Variants in RAD50 observed in about 807,000 individuals in gnomAD.
The protein encoded by RAD50 is RAD50 double strand break repair protein.
A neutral mutation model predicts 168.8 loss-of-function variants in RAD50; 132 were observed. The ratio of observed to expected loss-of-function variants is 0.78; its 90% confidence interval spans 0.68 to 0.90. RAD50 has a LOEUF of 0.90. Ranked by LOEUF, RAD50 falls within the 40% of genes least tolerant of loss-of-function variation. The pLI is 0.00. For missense variants in RAD50, 1,347 were observed against 1,534.4 expected, an observed-to-expected ratio of 0.88 and a Z score of 2.04; for synonymous variants, 525 against 497.4, an observed-to-expected ratio of 1.06 and a Z score of -0.74.
intron 13 of RAD50, 111 bp downstream of exon 13, chr5:132,595,921 C>A: frequency 1.1e-6 from 1 of 921,482 alleles, no homozygotes; most frequent in Non-Finnish European, 1.8e-6. Context: ...GCTGGTATGC[C>A]CTGTCTTATA....
Position 132,574,987 on chromosome 5 carries a change from A to G in RAD50, c.214-790A>G, listed in dbSNP as rs541000162. 2.6e-5 allele frequency among the ~76,000 whole-genome samples: 4 copies of G among 152,068 alleles called. No homozygotes were observed. In the South Asian group the frequency reaches 6.2e-4, roughly 24 times the overall value. On this transcript the variant is annotated intron_variant, in intron 2 of 24. Transcript: ENST00000378823. Reference sequence around the variant, plus strand: ...TCTAGGGAGTTCCAAACTTTCCCATATTTTCCTCTCTTCTGAGCCTTCTAA... The same window carrying G: ...TCTAGGGAGTTCCAAACTTTCCCATGTTTTCCTCTCTTCTGAGCCTTCTAA...
In RAD50 at chr5:132,608,660, T is replaced by G. The variant is rs876660348; in HGVS notation, c.2764T>G (p.Phe922Val). The change falls in exon 17 of 25, where the codon TTC becomes GTC. Residue 922 changes from phenylalanine to valine, a missense_variant. This residue lies in a region of RAD50 where 635 missense variants were observed against 739.2 expected (regional missense o/e 0.86). Coordinates refer to ENST00000378823, the MANE Select transcript of RAD50 (RefSeq NM_005732.4). ...VSPLETTLEK[F>V]QQEKEELINK... ...CCCTTTGGAAACAACATTGGAAAAG[T>G]TCCAGCAAGAAAAAGAAGAATTAAT... 6.2e-7 allele frequency: 1 copy of G among 1,600,610 alleles called. No homozygotes were observed. Among genetic ancestry groups the G allele is most frequent in the African/African-American group, 1.3e-5 (1 of 74,156 alleles).
chr5:132,614,853 G>A (rs1419484611), intron 19 of RAD50, among the ~76,000 whole-genome samples: 1 of 151,960 alleles, frequency 6.6e-6, no homozygotes, highest in Non-Finnish European at 1.5e-5. Flanking sequence ...TCTAAAAATA[G>A]TCACGCATAG....
chr5:132,576,785 C>T (rs144677773), intron 3 of RAD50, among the ~76,000 whole-genome samples: 9 of 152,200 alleles, frequency 5.9e-5, no homozygotes, highest in Non-Finnish European at 1.2e-4. Flanking sequence ...CTTTGAAACA[C>T]CTCTGACTAA....
intron 20 of RAD50, 52 bp downstream of exon 20, chr5:132,616,182 TG>T: frequency 6.4e-7 from 1 of 1,560,880 alleles, no homozygotes; most frequent in Non-Finnish European, 8.8e-7. Context: ...ATTACTGGAA[TG>T]TGAAGAATAT....
intron 24 of RAD50, among the ~76,000 whole-genome samples, chr5:132,641,195 C>T (rs1005061488): frequency 1.3e-5 from 2 of 152,114 alleles, no homozygotes; most frequent in Non-Finnish European, 2.9e-5. Context: ...AGGACTGTCT[C>T]CCCAGCTTTC....
intron 12 of RAD50, 198 bp downstream of exon 12, chr5:132,595,242 A>T: frequency 1.6e-6 from 1 of 627,408 alleles, no homozygotes; most frequent in South Asian, 2.0e-5. Context: ...TGTCTATAAA[A>T]TGAGGACACA....
chr5:132,598,974 A>G lies in RAD50; in HGVS notation c.2207+3164A>G, dbSNP rs193039698. Among the ~76,000 whole-genome samples, 15 of 152,276 alleles carry G rather than the reference A, an allele frequency of 9.9e-5. No homozygotes were observed. In the East Asian group the frequency reaches 1.9e-3, roughly 20 times the overall value. The stretch of plus-strand genomic sequence containing the variant: ...GGCTGACTTGAATCTGCCTAACCCT[A>G]TATCTGCAGTAGCATCTGTGTGCCA... On this transcript the variant is annotated intron_variant, in intron 13 of 24. Coordinates refer to ENST00000378823, the MANE Select transcript of RAD50 (RefSeq NM_005732.4).
Position 132,588,100 on chromosome 5 carries a change from ATGTT to A in RAD50, c.1051+13_1051+16del. 6.2e-7 allele frequency: 1 copy of A among 1,605,818 alleles called. No homozygotes were observed. The highest frequency in any genetic ancestry group is 8.5e-7 in the Non-Finnish European group (1 of 1,172,812). The stretch of plus-strand genomic sequence containing the variant: ...TGCTTGTTGAACAGGGTAGGACAAA[ATGTT>A]TATTTGGTCGTTTTTCCTACTATGA... On this transcript the variant is annotated intron_variant, in intron 7 of 24. Transcript: ENST00000378823.
chr5:132,631,201 A>G (rs946069190), intron 21 of RAD50, among the ~76,000 whole-genome samples: 5 of 149,492 alleles, frequency 3.3e-5, no homozygotes. Context: ...GCTCACTGTA[A>G]CCTCCACCTC....
At chr5:132,602,324 A>G (rs1750903370) in intron 13 of RAD50, among the ~76,000 whole-genome samples, 1 of 152,108 alleles carries the variant, frequency 6.6e-6, no homozygotes, top group Non-Finnish European at 1.5e-5. Context: ...TGTCATACTA[A>G]TTCAATATAA....
At chr5:132,627,521 C>CA (rs1213335793) in intron 21 of RAD50, among the ~76,000 whole-genome samples, 1 of 151,966 alleles carries the variant, frequency 6.6e-6, no homozygotes, top group Non-Finnish European at 1.5e-5. Context: ...GCAAGATATG[C>CA]AAAAAATGGG....
chr5:132,616,317 A>T (rs775233977), intron 20 of RAD50, among the ~76,000 whole-genome samples, 187 bp downstream of exon 20: 1 of 152,212 alleles, frequency 6.6e-6, no homozygotes. Flanking sequence ...TGAAGAAGTG[A>T]TATAGAATTG....
At position 132,579,332 on chromosome 5, in the gene RAD50, C is replaced by A. The variant is rs2149837697; in HGVS notation, c.381C>A (p.Val127=). 1 of 1,613,792 alleles carries A rather than the reference C, an allele frequency of 6.2e-7. No individual in the cohort carries two copies. Among genetic ancestry groups the A allele is most frequent in the South Asian group, 1.1e-5 (1 of 91,028 alleles). Residue 127 remains valine (V), a synonymous_variant, in exon 4 of 25, where the codon GTC becomes GTA. Coordinates refer to ENST00000378823, the MANE Select transcript of RAD50 (RefSeq NM_005732.4). ...TTTTCTGTAGGCATGGTGAAAAGGT[C>A]AGTCTGAGCTCTAAGTGTGCAGAAA... ...VITRTKHGEK[V]SLSSKCAEID...
rs780830769 is a variant in RAD50, at chr5:132,587,991, A to G, written c.953A>G (p.Lys318Arg). ...AATCACCAGAGAACAGTAAGGGAGA[A>G]AGAAAGGAAATTGGTAGACTGTCAT... ...YHNHQRTVRE[K>R]ERKLVDCHRE... The change falls in exon 7 of 25, where the codon AAA becomes AGA. Residue 318 changes from lysine to arginine, a missense_variant. Around this residue, in one of 3 missense-constraint regions of RAD50, gnomAD observed 703 missense variants for 767.7 expected, o/e 0.92. Transcript: ENST00000378823. The G allele has an allele frequency of 6.2e-7, 1 of 1,612,174 alleles. No homozygotes were observed. The highest frequency in any genetic ancestry group is 1.7e-5 in the Admixed American group (1 of 60,010).
At chr5:132,605,039 ATTAT>A (rs1451202449) in intron 16 of RAD50, 40 bp downstream of exon 16, 5 of 1,392,422 alleles carry the variant, frequency 3.6e-6, no homozygotes, top group East Asian at 5.3e-5. Flanking sequence ...AATTATTTTA[ATTAT>A]TTATTTTTAT....
At position 132,606,049 on chromosome 5, in the gene RAD50, T is replaced by C. The variant is rs966171945; in HGVS notation, c.2718+1050T>C. Among the ~76,000 whole-genome samples, 34 of 152,032 alleles carry C rather than the reference T, an allele frequency of 2.2e-4. 1 individual carries two copies. The highest frequency in any genetic ancestry group is 7.7e-4 in the African/African-American group (32 of 41,458). ...GCAGGAAATAACTGAATTCAACACC[T>C]TAACATCAAAATTAAAAGAACTAGA... On this transcript the variant is annotated intron_variant, in intron 16 of 24. Transcript: ENST00000378823.
rs1261687731 is a variant in RAD50 at position 132,644,820 on chromosome 5, G to A, written c.*2456G>A. Reference sequence around the variant, plus strand: ...GAGTCTTGCTCTGTCACCCAGGCTGGAGTGCAATGGCACCATCTCAGCTCA... The same window carrying A: ...GAGTCTTGCTCTGTCACCCAGGCTGAAGTGCAATGGCACCATCTCAGCTCA... On this transcript the variant is annotated 3_prime_UTR_variant, in exon 25 of 25. Coordinates refer to ENST00000378823, the MANE Select transcript of RAD50 (RefSeq NM_005732.4). 4 of 154,398 alleles carry A rather than the reference G, an allele frequency of 2.6e-5. No homozygotes were observed. Among genetic ancestry groups the A allele is most frequent in the Non-Finnish European group, 5.8e-5 (4 of 69,458 alleles). 9.6% of individuals were successfully genotyped at this position (154,398 alleles called of 1,614,324 possible). A position where few individuals can be genotyped will look rare whatever the true frequency, so the allele number is the denominator to read the frequency against.
chr5:132,576,110 T>A (rs1180817644), intron 3 of RAD50, among the ~76,000 whole-genome samples, 182 bp downstream of exon 3: 1 of 152,170 alleles, frequency 6.6e-6, no homozygotes. Flanking sequence ...GTACTGAGCT[T>A]CCATTTTCTC....
Sources: allele counts gnomAD v4.1 joint callset (sites outside exome capture counted in the v4.1 genomes callset), GRCh38; gene constraint gnomAD v4.1.1; regional missense constraint gnomAD v4.1.1; transcripts MANE v1.5; gene names NCBI Gene and HGNC (gene_info 2026-07-23, HGNC 2026-07-21).